Variants in ATRNL1 observed in about 807,000 individuals in gnomAD.
ATRNL1 encodes the protein attractin-like protein 1.
ATRNL1 carries 95 observed loss-of-function variants against 182.7 expected under a neutral mutation model. The observed-to-expected ratio is 0.52, with a 90% CI of 0.44 to 0.62. The LOEUF (loss-of-function observed/expected upper bound fraction) is 0.62. ATRNL1 is among the 20% of genes least tolerant of loss of function. ATRNL1 has a pLI of 0.00. For missense variants in ATRNL1, 1,471 were observed against 1,679.5 expected (o/e 0.88, Z 2.17); for synonymous variants, 576 against 568.3 (o/e 1.01, Z -0.19).
chr10:115,151,832 T>A lies in ATRNL1; in HGVS notation c.830-8208T>A, dbSNP rs1259557059. 2.6e-5 allele frequency among the ~76,000 whole-genome samples: 4 copies of A among 152,160 alleles called. No homozygotes were observed. The South Asian group carries it at 6.2e-4, about 24-fold the overall frequency. On this transcript the variant is annotated intron_variant, in intron 5 of 28. Coordinates refer to ENST00000355044, the MANE Select transcript of ATRNL1 (RefSeq NM_207303.4). ...GTATTGCCTAGGTTTTCTTCTAGGGTTTTTATAGTTTTAGGTCCAACATTT... is the reference window on the plus strand; with the variant it reads ...GTATTGCCTAGGTTTTCTTCTAGGGATTTTATAGTTTTAGGTCCAACATTT...
At chr10:115,680,040 G>A (rs910353256) in intron 26 of ATRNL1, among the ~76,000 whole-genome samples, 4 of 151,960 alleles carry the variant, frequency 2.6e-5, no homozygotes, top group Admixed American at 6.6e-5. Flanking sequence ...GCATAACATA[G>A]ATTGCTAGCT....
At chr10:115,913,814 A>G (rs1952759452) in intron 28 of ATRNL1, among the ~76,000 whole-genome samples, 1 of 152,200 alleles carries the variant, frequency 6.6e-6, no homozygotes, top group South Asian at 2.1e-4. Context: ...GATGCCCCCA[A>G]ACTGTGACTG....
intron 5 of ATRNL1, among the ~76,000 whole-genome samples, chr10:115,139,429 C>G (rs1554877504): frequency 2.6e-5 from 4 of 152,230 alleles, no homozygotes; most frequent in Admixed American, 2.6e-4. Context: ...TACAGTTCCA[C>G]ATGGTTGTGG....
intron 26 of ATRNL1, among the ~76,000 whole-genome samples, chr10:115,723,297 CAG>C (rs1284493475): frequency 2.0e-5 from 3 of 152,194 alleles, no homozygotes; most frequent in Admixed American, 1.3e-4. Flanking sequence ...CAATTGCAGG[CAG>C]AGTTAGTCAC....
intron 21 of ATRNL1, among the ~76,000 whole-genome samples, chr10:115,452,793 T>A (rs1022871701): frequency 6.6e-6 from 1 of 152,086 alleles, no homozygotes; most frequent in African/African-American, 2.4e-5. Flanking sequence ...TCATCAGAGC[T>A]TAATCATTTT....
chr10:115,347,401 A>G (rs1554940076), intron 19 of ATRNL1, among the ~76,000 whole-genome samples: 2 of 152,152 alleles, frequency 1.3e-5, no homozygotes, highest in African/African-American at 4.8e-5. Context: ...CTAATAATAA[A>G]CAATAAGTCA....
chr10:115,489,915 G>A (rs1391547538), intron 24 of ATRNL1, among the ~76,000 whole-genome samples: 11 of 152,170 alleles, frequency 7.2e-5, no homozygotes, highest in African/African-American at 2.7e-4. Flanking sequence ...TGTAAGGCAG[G>A]CCTGTTGGTG....
chr10:115,562,127 C>T (rs1853796054), intron 26 of ATRNL1, among the ~76,000 whole-genome samples: 1 of 152,002 alleles, frequency 6.6e-6, no homozygotes, highest in Non-Finnish European at 1.5e-5. Context: ...TCCCAAATGC[C>T]TAACAACTGA....
intron 5 of ATRNL1, among the ~76,000 whole-genome samples, chr10:115,138,772 T>C (rs1845631622): frequency 6.6e-6 from 1 of 152,220 alleles, no homozygotes; most frequent in African/African-American, 2.4e-5. Flanking sequence ...CCCCATTGTC[T>C]TGGTGATTAA....
intron 19 of ATRNL1, among the ~76,000 whole-genome samples, chr10:115,376,056 G>A (rs567336871): frequency 1.4e-3 from 211 of 151,954 alleles, no homozygotes; most frequent in African/African-American, 4.9e-3. Context: ...TGTGTGTCTT[G>A]AAATGTGTTT....
chr10:115,595,837 A>T (rs1290012802), intron 26 of ATRNL1, among the ~76,000 whole-genome samples: 1 of 152,208 alleles, frequency 6.6e-6, no homozygotes, highest in Non-Finnish European at 1.5e-5. Context: ...ATTAATCATT[A>T]GAACTTAAAA....
chr10:115,239,221 A>ATTATT (rs1322257514), intron 9 of ATRNL1, among the ~76,000 whole-genome samples: 36 of 151,866 alleles, frequency 2.4e-4, no homozygotes, highest in South Asian at 1.7e-3. Flanking sequence ...GAGACTAGAG[A>ATTATT]TTATTTTATT....
intron 8 of ATRNL1, among the ~76,000 whole-genome samples, chr10:115,201,549 G>A (rs1265380779): frequency 3.9e-5 from 6 of 152,046 alleles, no homozygotes; most frequent in East Asian, 3.9e-4. Flanking sequence ...GTAGATATGC[G>A]GCGTTATTTC....
intron 25 of ATRNL1, among the ~76,000 whole-genome samples, chr10:115,531,238 C>A (rs1851561744): frequency 6.6e-6 from 1 of 151,954 alleles, no homozygotes; most frequent in Admixed American, 6.6e-5. Context: ...GTTTACAGTC[C>A]CACCAACAGT....
intron 19 of ATRNL1, among the ~76,000 whole-genome samples, chr10:115,346,741 C>T (rs1390733957): frequency 6.6e-6 from 1 of 150,526 alleles, no homozygotes. Flanking sequence ...GCTTTTTTTG[C>T]TGTTGAATTG....
intron 27 of ATRNL1, among the ~76,000 whole-genome samples, chr10:115,832,725 C>A (rs190945165): frequency 6.6e-6 from 1 of 152,180 alleles, no homozygotes; most frequent in Non-Finnish European, 1.5e-5. Context: ...CACTTCTAAA[C>A]CCACAACTGA....
chr10:115,642,440 C>CTTTTTTT (rs71303504), intron 26 of ATRNL1, among the ~76,000 whole-genome samples: 1 of 148,816 alleles, frequency 6.7e-6, no homozygotes. Flanking sequence ...AATTCTAGTG[C>CTTTTTTT]TTTTTTTTTT....
chr10:115,264,054 T>C (rs577750760), intron 10 of ATRNL1, among the ~76,000 whole-genome samples: 7 of 151,662 alleles, frequency 4.6e-5, no homozygotes, highest in African/African-American at 1.4e-4. Context: ...ACATATATTT[T>C]ATTGTTCTCA....
intron 26 of ATRNL1, among the ~76,000 whole-genome samples, chr10:115,550,967 TG>T (rs1852953320): frequency 6.6e-6 from 1 of 151,756 alleles, no homozygotes; most frequent in South Asian, 2.1e-4. Flanking sequence ...AATGCATCTA[TG>T]TAAATATAGC....
Sources: allele counts gnomAD v4.1 joint callset (sites outside exome capture counted in the v4.1 genomes callset), GRCh38; gene constraint gnomAD v4.1.1; transcripts MANE v1.5; gene names NCBI Gene and HGNC (gene_info 2026-07-23, HGNC 2026-07-21).